THSD7B: variants seen among roughly 807,000 people sequenced by gnomAD.
THSD7B encodes thrombospondin type 1 domain containing 7B, also known as thrombospondin type-1 domain-containing protein 7B.
THSD7B carries 138 observed loss-of-function variants against 213.6 expected under a neutral mutation model. The ratio of observed to expected loss-of-function variants is 0.65; its 90% CI spans 0.56 to 0.74. The LOEUF (loss-of-function observed/expected upper bound fraction) is 0.74. Among genes scored for constraint, THSD7B ranks in the 30% least tolerant of loss-of-function variants. THSD7B has a pLI of 0.00. For missense variants in THSD7B, 1,931 were observed against 1,991.5 expected, an observed-to-expected ratio of 0.97 and a Z score of 0.58; for synonymous variants, 742 against 687.0, an observed-to-expected ratio of 1.08 and a Z score of -1.25.
chr2:137,127,779 G>C (rs1036173831), intron 5 of THSD7B, among the ~76,000 whole-genome samples: 5 of 152,002 alleles, frequency 3.3e-5, no homozygotes, highest in Non-Finnish European at 7.4e-5. Context: ...TTAGCCAGGC[G>C]TGGTGGTGCA....
chr2:137,225,468 G>A (rs933854599), intron 7 of THSD7B, among the ~76,000 whole-genome samples: 7 of 152,174 alleles, frequency 4.6e-5, no homozygotes, highest in African/African-American at 1.7e-4. Context: ...GAACCAGAAA[G>A]CAACACAACC....
intron 14 of THSD7B, among the ~76,000 whole-genome samples, chr2:137,443,969 C>G (rs1457722583): frequency 6.6e-6 from 1 of 151,906 alleles, no homozygotes; most frequent in African/African-American, 2.4e-5. Context: ...ATTTTGTTTG[C>G]AATACATTAG....
chr2:137,189,277 T>C (rs1238551811), intron 7 of THSD7B, among the ~76,000 whole-genome samples: 3 of 152,192 alleles, frequency 2.0e-5, no homozygotes, highest in African/African-American at 7.2e-5. Flanking sequence ...GGTTTCTCCC[T>C]ATCAAAGGGT....
intron 12 of THSD7B, among the ~76,000 whole-genome samples, chr2:137,366,285 A>G (rs1023211782): frequency 2.0e-5 from 3 of 152,122 alleles, no homozygotes; most frequent in Non-Finnish European, 2.9e-5. Context: ...AGAAATACCT[A>G]ATGTAAATAA....
At chr2:137,282,479 T>A (rs9678468) in intron 12 of THSD7B, among the ~76,000 whole-genome samples, 1 of 151,468 alleles carries the variant, frequency 6.6e-6, no homozygotes, top group Admixed American at 6.6e-5. Context: ...AGTCCTTGCC[T>A]GTGCCTATGT....
At chr2:137,598,334 A>C (rs140438718) in intron 17 of THSD7B, among the ~76,000 whole-genome samples, 7 of 152,248 alleles carry the variant, frequency 4.6e-5, no homozygotes, top group South Asian at 2.1e-4. Context: ...TCAGGAGTAA[A>C]AGATGATTTT....
At chr2:136,778,889 G>C (rs1384218567) in intron 1 of THSD7B, among the ~76,000 whole-genome samples, 2 of 152,078 alleles carry the variant, frequency 1.3e-5, no homozygotes, top group African/African-American at 4.8e-5. Context: ...TAAGGTAAGG[G>C]AGGAATTTGG....
At chr2:137,398,616 T>C (rs1686263116) in intron 12 of THSD7B, among the ~76,000 whole-genome samples, 1 of 151,518 alleles carries the variant, frequency 6.6e-6, no homozygotes, top group Non-Finnish European at 1.5e-5. Flanking sequence ...GCTGTCTTTT[T>C]GTTTGTCTGT....
At chr2:137,161,754 A>G (rs974433107) in intron 6 of THSD7B, among the ~76,000 whole-genome samples, 1 of 152,192 alleles carries the variant, frequency 6.6e-6, no homozygotes, top group Non-Finnish European at 1.5e-5. Context: ...ATAAGTTTCC[A>G]TTTATACTAA....
intron 2 of THSD7B, among the ~76,000 whole-genome samples, chr2:136,908,811 T>A (rs539530933): frequency 6.6e-5 from 10 of 152,260 alleles, no homozygotes; most frequent in Non-Finnish European, 5.9e-5. Flanking sequence ...GAGGATTATG[T>A]TTTCTGAATA....
intron 2 of THSD7B, among the ~76,000 whole-genome samples, chr2:136,994,721 TACA>T (rs928161960): frequency 2.1e-4 from 32 of 152,322 alleles, no homozygotes; most frequent in African/African-American, 7.0e-4. Context: ...CACGTATATG[TACA>T]ACAAGTGTAA....
intron 12 of THSD7B, among the ~76,000 whole-genome samples, chr2:137,280,244 C>A (rs1253402768): frequency 2.6e-5 from 4 of 152,076 alleles, no homozygotes; most frequent in Non-Finnish European, 4.4e-5. Context: ...TTGATAGAAA[C>A]CCTTGGGATG....
chr2:136,817,530 G>A (rs1271637998), intron 1 of THSD7B, among the ~76,000 whole-genome samples: 1 of 150,374 alleles, frequency 6.7e-6, no homozygotes, highest in African/African-American at 2.5e-5. Flanking sequence ...ATCTTGAATT[G>A]ATTTTTGTAT....
chr2:137,299,994 A>G (rs1311185485), intron 12 of THSD7B, among the ~76,000 whole-genome samples: 4 of 152,188 alleles, frequency 2.6e-5, no homozygotes, highest in Admixed American at 2.6e-4. Flanking sequence ...GAACCAGTGC[A>G]GTCTCACTGT....
chr2:136,784,796 T>A (rs1001481234), intron 1 of THSD7B, among the ~76,000 whole-genome samples: 1 of 152,196 alleles, frequency 6.6e-6, no homozygotes, highest in Non-Finnish European at 1.5e-5. Context: ...TACAGTGACA[T>A]CCACTGGCTC....
At position 137,094,969 on chromosome 2, in the gene THSD7B, C is replaced by T. The variant is rs193015588; in HGVS notation, c.1047C>T (p.Ser349=). ...AGTGGTCCTCCTGGAGCCCCTGCTC[C>T]AAGACATGCCGTTCAGGGAGTCTCT... ...TSQWSSWSPC[S]KTCRSGSLLP... The change falls in exon 4 of 28, where the codon TCC becomes TCT. Residue 349 remains serine (S), a synonymous_variant. Transcript: ENST00000409968. 2 of 1,613,826 alleles carry T rather than the reference C, an allele frequency of 1.2e-6. No homozygotes were observed. The highest frequency in any genetic ancestry group is 1.7e-6 in the Non-Finnish European group (2 of 1,179,854).
chr2:136,779,922 G>A (rs1452381040), intron 1 of THSD7B, among the ~76,000 whole-genome samples: 1 of 152,162 alleles, frequency 6.6e-6, no homozygotes, highest in African/African-American at 2.4e-5. Context: ...ACCATGGACA[G>A]AACTTGTGGA....
intron 5 of THSD7B, among the ~76,000 whole-genome samples, chr2:137,144,613 CA>C (rs944897448): frequency 4.0e-5 from 6 of 151,836 alleles, no homozygotes; most frequent in Non-Finnish European, 8.8e-5. Context: ...TGTGTATTGA[CA>C]AAAAGACCTG....
intron 1 of THSD7B, among the ~76,000 whole-genome samples, chr2:136,774,687 G>A (rs1015253036): frequency 6.6e-6 from 1 of 152,026 alleles, no homozygotes; most frequent in African/African-American, 2.4e-5. Flanking sequence ...ACGTCTGTTA[G>A]AAAAATTCTA....
Sources: gnomAD v4.1 joint callset for allele counts (sites outside exome capture counted in the v4.1 genomes callset) on GRCh38, gnomAD v4.1.1 for gene constraint, MANE v1.5 for transcripts, NCBI Gene and HGNC (gene_info 2026-07-23, HGNC 2026-07-21) for gene names.